The following OR2L13 variants were observed in gnomAD, a reference collection of about 807,000 sequenced individuals.
OR2L13 encodes the protein olfactory receptor 2L13.
A neutral mutation model predicts 15.3 loss-of-function variants in OR2L13; 14 were observed. The observed-to-expected ratio is 0.91, with a 90% CI of 0.60 to 1.43. The LOEUF is 1.43. Ranked by LOEUF, OR2L13 falls within the 40% of genes most tolerant of loss-of-function variation. OR2L13 has a pLI of 0.00. For missense variants in OR2L13, 367 were observed against 387.9 expected, an observed-to-expected ratio of 0.95 and a Z score of 0.45; for synonymous variants, 152 against 142.9, an observed-to-expected ratio of 1.06 and a Z score of -0.45.
At chr1:248,025,692 A>G in the OR2L13 span, among the ~76,000 whole-genome samples, 32 of 149,392 alleles carry the variant, frequency 2.1e-4, no homozygotes, top group African/African-American at 6.9e-4. Context: ...AAGACTTGGA[A>G]CCAACCCAAA....
the OR2L13 span, among the ~76,000 whole-genome samples, chr1:248,053,751 G>A: frequency 6.6e-6 from 1 of 152,092 alleles, no homozygotes; most frequent in Non-Finnish European, 1.5e-5. Flanking sequence ...CCATACCTAT[G>A]TCTTTTTTTT....
the OR2L13 span, among the ~76,000 whole-genome samples, chr1:248,049,641 T>C: frequency 6.6e-6 from 1 of 152,228 alleles, no homozygotes; most frequent in Non-Finnish European, 1.5e-5. Flanking sequence ...AAAAGATTTG[T>C]AATGAGTAAA....
At chr1:248,083,571 A>C in the OR2L13 span, 2 of 1,071,762 alleles carry the variant, frequency 1.9e-6, no homozygotes, top group Non-Finnish European at 2.8e-6. Context: ...TACTAAAGGG[A>C]GAGAATTACA....
the OR2L13 span, among the ~76,000 whole-genome samples, chr1:247,992,337 G>A: frequency 6.6e-6 from 1 of 152,142 alleles, no homozygotes; most frequent in Non-Finnish European, 1.5e-5. Context: ...TCAACAGTAG[G>A]CTATCATTAG....
chr1:247,951,273 T>G, the OR2L13 span, among the ~76,000 whole-genome samples: 2 of 152,202 alleles, frequency 1.3e-5, no homozygotes, highest in African/African-American at 2.4e-5. Context: ...GTTTGGGGTC[T>G]TTCATAGTTC....
chr1:248,094,968 A>G (rs1198219394), upstream of OR2L13, among the ~76,000 whole-genome samples: 1 of 152,176 alleles, frequency 6.6e-6, no homozygotes, highest in African/African-American at 2.4e-5. Flanking sequence ...CTTTAGTCTG[A>G]TTCTGGGTAG....
At chr1:247,952,696 C>T in the OR2L13 span, among the ~76,000 whole-genome samples, 2 of 152,112 alleles carry the variant, frequency 1.3e-5, no homozygotes, top group African/African-American at 4.8e-5. Flanking sequence ...CTAAGAATGT[C>T]TGCTGTTTTT....
At chr1:248,032,272 T>C in the OR2L13 span, among the ~76,000 whole-genome samples, 12 of 152,146 alleles carry the variant, frequency 7.9e-5, no homozygotes, top group Admixed American at 5.9e-4. Context: ...TATGGAATAA[T>C]TTCAGTATAT....
chr1:247,939,811 G>A, the OR2L13 span, among the ~76,000 whole-genome samples: 2 of 152,028 alleles, frequency 1.3e-5, no homozygotes, highest in African/African-American at 2.4e-5. Context: ...GTCTAAAAAT[G>A]TATTGTTCCT....
chr1:248,051,669 C>G, the OR2L13 span, among the ~76,000 whole-genome samples: 1 of 151,876 alleles, frequency 6.6e-6, no homozygotes. Flanking sequence ...CAACAGAAGC[C>G]CAAACCTCAG....
At chr1:247,980,657 C>G in the OR2L13 span, among the ~76,000 whole-genome samples, 1 of 152,164 alleles carries the variant, frequency 6.6e-6, no homozygotes, top group African/African-American at 2.4e-5. Flanking sequence ...GTGATTCAGC[C>G]TAGAATGTCC....
the OR2L13 span, among the ~76,000 whole-genome samples, chr1:247,950,596 C>G: frequency 5.9e-5 from 9 of 152,110 alleles, 3 homozygotes; most frequent in Admixed American, 5.9e-4. Flanking sequence ...TGTCAGTTTC[C>G]CAATAAATGT....
At chr1:247,990,319 C>T in the OR2L13 span, 2 of 1,294,194 alleles carry the variant, frequency 1.5e-6, no homozygotes, top group Non-Finnish European at 1.1e-6. Flanking sequence ...GGATTGTCGC[C>T]ACCACCAAAA....
chr1:247,956,195 T>C, the OR2L13 span, among the ~76,000 whole-genome samples: 11 of 151,930 alleles, frequency 7.2e-5, no homozygotes, highest in East Asian at 1.9e-3. Context: ...ATTTATTAAA[T>C]AGGGAATCCT....
At chr1:247,957,910 T>G in the OR2L13 span, among the ~76,000 whole-genome samples, 1 of 152,184 alleles carries the variant, frequency 6.6e-6, no homozygotes, top group Admixed American at 6.5e-5. Context: ...GATTCATTGA[T>G]TTTTTGAAGG....
At chr1:247,939,336 T>G in the OR2L13 span, 1 of 152,174 alleles carries the variant, frequency 6.6e-6, no homozygotes, top group Non-Finnish European at 1.5e-5. Flanking sequence ...CTGTCCAAAT[T>G]CTGTGAGGTG....
exon 3 of OR2L13, chr1:248,099,418 G>C: frequency 6.2e-7 from 1 of 1,613,256 alleles, no homozygotes; most frequent in South Asian, 1.1e-5. Context: ...CATTTTGTTG[G>C]GTCTGCTTCC....
chr1:247,988,007 GATA>G, the OR2L13 span, among the ~76,000 whole-genome samples: 1 of 151,840 alleles, frequency 6.6e-6, no homozygotes, highest in African/African-American at 2.4e-5. Context: ...TTTATCTCTA[GATA>G]ATTAAAATTT....
chr1:247,942,051 A>G, the OR2L13 span, among the ~76,000 whole-genome samples: 1 of 152,290 alleles, frequency 6.6e-6, no homozygotes, highest in East Asian at 1.9e-4. Context: ...CATACACAAA[A>G]AAACTACATG....
Sources: allele counts gnomAD v4.1 joint callset (sites outside exome capture counted in the v4.1 genomes callset), GRCh38; gene constraint gnomAD v4.1.1; transcripts MANE v1.5; gene names NCBI Gene and HGNC (gene_info 2026-07-23, HGNC 2026-07-21).